KCNH8: variants seen among roughly 807,000 people sequenced by gnomAD.
KCNH8 encodes the protein voltage-gated delayed rectifier potassium channel KCNH8.
Under a neutral mutation model 103.6 loss-of-function variants are expected in KCNH8, and 70 were observed. The observed-to-expected ratio is 0.68, with a 90% CI of 0.56 to 0.82. The LOEUF (loss-of-function observed/expected upper bound fraction) is 0.82, where lower values mean the gene tolerates loss of function less well. Ranked by LOEUF, KCNH8 falls within the 40% of genes least tolerant of loss-of-function variation. The pLI is 0.00. For missense variants in KCNH8, 1,217 were observed against 1,329.9 expected, an observed-to-expected ratio of 0.92 and a Z score of 1.32; for synonymous variants, 498 against 489.4, an observed-to-expected ratio of 1.02 and a Z score of -0.23.
At chr3:19,307,284 G>T (rs980195865) in intron 3 of KCNH8, among the ~76,000 whole-genome samples, 1 of 151,626 alleles carries the variant, frequency 6.6e-6, no homozygotes, top group Non-Finnish European at 1.5e-5. Flanking sequence ...ACAAACCAAT[G>T]GCCAAAAATA....
At chr3:19,462,076 A>G (rs1218308346) in intron 11 of KCNH8, among the ~76,000 whole-genome samples, 2 of 152,116 alleles carry the variant, frequency 1.3e-5, no homozygotes, top group Admixed American at 1.3e-4. Flanking sequence ...AGTCTTTGCT[A>G]TTGTGAATAG....
chr3:19,363,935 TAATA>T (rs1339446660), intron 5 of KCNH8, among the ~76,000 whole-genome samples: 1 of 152,136 alleles, frequency 6.6e-6, no homozygotes, highest in Non-Finnish European at 1.5e-5. Flanking sequence ...AGACATCTAA[TAATA>T]AATAAAGTTG....
chr3:19,427,758 A>T (rs1490281825), intron 7 of KCNH8, among the ~76,000 whole-genome samples: 1 of 152,184 alleles, frequency 6.6e-6, no homozygotes, highest in African/African-American at 2.4e-5. Context: ...TTCTGGGAGA[A>T]GGGCTGGGGA....
At chr3:19,302,045 C>A (rs1020060490) in intron 3 of KCNH8, among the ~76,000 whole-genome samples, 1 of 152,096 alleles carries the variant, frequency 6.6e-6, no homozygotes, top group Admixed American at 6.5e-5. Flanking sequence ...CTTGCATTTA[C>A]GGTTTTGATG....
At chr3:19,402,299 A>G (rs543443467) in intron 7 of KCNH8, among the ~76,000 whole-genome samples, 3 of 152,104 alleles carry the variant, frequency 2.0e-5, no homozygotes, top group East Asian at 3.9e-4. Flanking sequence ...AAAAGTTACT[A>G]AAACCAATAT....
intron 1 of KCNH8, among the ~76,000 whole-genome samples, chr3:19,243,233 A>G (rs1231789267): frequency 6.6e-6 from 1 of 152,032 alleles, no homozygotes; most frequent in Admixed American, 6.6e-5. Context: ...GTCAGCATAC[A>G]CCTGTGTTGG....
intron 1 of KCNH8, among the ~76,000 whole-genome samples, chr3:19,210,418 T>C (rs79460571): frequency 0.041 from 6,176 of 152,166 alleles, 445 homozygotes; most frequent in African/African-American, 0.14. Flanking sequence ...TAGGACTTAG[T>C]AAGAAAATAA....
At chr3:19,290,641 C>G (rs1228855728) in intron 3 of KCNH8, among the ~76,000 whole-genome samples, 1 of 152,128 alleles carries the variant, frequency 6.6e-6, no homozygotes, top group African/African-American at 2.4e-5. Flanking sequence ...CTGCTGGATT[C>G]GGTTTGCCAG....
intron 11 of KCNH8, among the ~76,000 whole-genome samples, chr3:19,473,384 T>C (rs962330450): frequency 1.3e-5 from 2 of 152,228 alleles, no homozygotes; most frequent in Non-Finnish European, 2.9e-5. Context: ...TATCCATACC[T>C]TGGCCATTTG....
At chr3:19,220,181 C>A (rs374749852) in intron 1 of KCNH8, among the ~76,000 whole-genome samples, 5 of 152,204 alleles carry the variant, frequency 3.3e-5, no homozygotes, top group African/African-American at 9.6e-5. Flanking sequence ...CAGGTCTTGG[C>A]CATTGCTGTT....
At chr3:19,198,127 T>C (rs571802293) in intron 1 of KCNH8, among the ~76,000 whole-genome samples, 1 of 152,200 alleles carries the variant, frequency 6.6e-6, no homozygotes, top group African/African-American at 2.4e-5. Context: ...GTGCCTGACA[T>C]AGAGATAAAA....
intron 2 of KCNH8, among the ~76,000 whole-genome samples, chr3:19,279,272 A>G (rs1048211181): frequency 3.9e-5 from 6 of 152,140 alleles, no homozygotes; most frequent in Admixed American, 3.3e-4. Context: ...GTGTTTGGCT[A>G]TGGGTATGGC....
At chr3:19,486,231 T>C (rs1382234160) in intron 11 of KCNH8, among the ~76,000 whole-genome samples, 1 of 152,228 alleles carries the variant, frequency 6.6e-6, no homozygotes, top group Non-Finnish European at 1.5e-5. Context: ...TCTACACAGT[T>C]ATGCTCAACC....
At chr3:19,454,158 G>A (rs1181443142) in intron 10 of KCNH8, among the ~76,000 whole-genome samples, 1 of 133,560 alleles carries the variant, frequency 7.5e-6, no homozygotes, top group African/African-American at 3.0e-5. Context: ...GTGTGTGTGT[G>A]TGTGTGTGTG....
intron 14 of KCNH8, 132 bp from the exon 15 acceptor site, chr3:19,517,862 AAGAC>A (rs2068901550): frequency 3.1e-6 from 2 of 653,248 alleles, no homozygotes; most frequent in Non-Finnish European, 5.3e-6. Flanking sequence ...TGATCCCTAA[AAGAC>A]AGTACAGTGC....
intron 3 of KCNH8, among the ~76,000 whole-genome samples, chr3:19,340,831 CA>C (rs1382459744): frequency 6.6e-6 from 1 of 152,124 alleles, no homozygotes; most frequent in African/African-American, 2.4e-5. Context: ...GCAGCAAACT[CA>C]GTGCTTGCCT....
At chr3:19,390,790 C>A in intron 6 of KCNH8, 152 bp downstream of exon 6, 2 of 633,976 alleles carry the variant, frequency 3.2e-6, no homozygotes, top group South Asian at 2.7e-5. Context: ...AGGCCAGATT[C>A]TTCAGTTGAT....
At chr3:19,486,977 T>C (rs2068224374) in intron 11 of KCNH8, among the ~76,000 whole-genome samples, 1 of 152,178 alleles carries the variant, frequency 6.6e-6, no homozygotes, top group African/African-American at 2.4e-5. Flanking sequence ...GTCCTCCAGG[T>C]GCTGAAGTAG....
intron 3 of KCNH8, among the ~76,000 whole-genome samples, chr3:19,311,544 C>G (rs907714016): frequency 1.3e-4 from 20 of 151,042 alleles, no homozygotes; most frequent in African/African-American, 4.8e-4. Context: ...CATTTTTTGC[C>G]TCTTGGCTGT....
Sources: gnomAD v4.1 joint callset for allele counts (sites outside exome capture counted in the v4.1 genomes callset) on GRCh38, gnomAD v4.1.1 for gene constraint, MANE v1.5 for transcripts, NCBI Gene and HGNC (gene_info 2026-07-23, HGNC 2026-07-21) for gene names.